The following COL23A1 variants were observed in gnomAD, a reference collection of about 807,000 sequenced individuals.
COL23A1 encodes the protein collagen alpha-1(XXIII) chain.
Under a neutral mutation model 99.3 loss-of-function variants are expected in COL23A1, and 97 were observed. That is an observed-to-expected ratio of 0.98 (90% CI 0.83 to 1.16). The LOEUF (loss-of-function observed/expected upper bound fraction) is 1.16, where lower values mean the gene tolerates loss of function less well. Ranked by LOEUF, COL23A1 falls within the 50% of genes most tolerant of loss-of-function variation. The pLI, the probability that COL23A1 is intolerant of heterozygous loss-of-function variation, is 0.00. For synonymous variants in COL23A1, 320 were observed against 308.2 expected, an observed-to-expected ratio of 1.04 and a Z score of -0.40; for missense variants, 762 against 757.4, an observed-to-expected ratio of 1.01 and a Z score of -0.07.
chr5:178,306,793 G>A lies in COL23A1; in HGVS notation c.406+82C>T. 9.3e-7 allele frequency: 1 copy of A among 1,075,740 alleles called. No homozygotes were observed. 66.6% of individuals were successfully genotyped at this position (1,075,740 alleles called of 1,614,324 possible). On this transcript the variant is annotated intron_variant, in intron 3 of 28. Coordinates refer to ENST00000390654, the MANE Select transcript of COL23A1 (RefSeq NM_173465.4). The surrounding 1 kb of genome is among the most constrained non-coding windows in gnomAD (Gnocchi z 4.1). Reference sequence around the variant, plus strand: ...AGGCATGACTCAGGGTGGGCAGCAGGTGGCCAGGCCCTGCAGTCAGAGCCT... The same window carrying A: ...AGGCATGACTCAGGGTGGGCAGCAGATGGCCAGGCCCTGCAGTCAGAGCCT...
chr5:178,522,105 AAAAG>A lies in COL23A1; in HGVS notation c.361+38573_361+38576del, dbSNP rs1254442184. 7.4e-4 allele frequency among the ~76,000 whole-genome samples: 113 copies of A among 152,308 alleles called. 1 individual carries two copies. The highest frequency in any genetic ancestry group is 2.5e-3 in the African/African-American group (105 of 41,540). ...GAAGGATTCTTCCAGTCTGTCTAAA[AAAAG>A]AAAGAACTTTGTGCCATATAAACAT... On this transcript the variant is annotated intron_variant, in intron 2 of 28. Coordinates refer to ENST00000390654, the MANE Select transcript of COL23A1 (RefSeq NM_173465.4).
At chr5:178,262,355 C>A in intron 9 of COL23A1, 103 bp from the exon 10 acceptor site, 2 of 1,098,922 alleles carry the variant, frequency 1.8e-6, no homozygotes, top group South Asian at 1.4e-5. Context: ...AGTACATTAT[C>A]TTATCTCATT....
chr5:178,409,018 A>ACACACACG (rs1554161440), intron 2 of COL23A1, among the ~76,000 whole-genome samples: 6 of 119,108 alleles, frequency 5.0e-5, no homozygotes, highest in African/African-American at 1.1e-4. Flanking sequence ...ACACACACAC[A>ACACACACG]CACATCATGT....
At position 178,534,987 on chromosome 5, in the gene COL23A1, T is replaced by C. The variant is rs1370828772; in HGVS notation, c.361+25695A>G. ...TTTCCTTTTTCTTTTTTTTTTTTTTTTGAGCAGAGTTTCACTTTTGTCGCC... is the reference window on the plus strand; with the variant it reads ...TTTCCTTTTTCTTTTTTTTTTTTTTCTGAGCAGAGTTTCACTTTTGTCGCC... On this transcript the variant is annotated intron_variant, in intron 2 of 28. Coordinates refer to ENST00000390654, the MANE Select transcript of COL23A1 (RefSeq NM_173465.4). 8.6e-5 allele frequency among the ~76,000 whole-genome samples: 13 copies of C among 151,034 alleles called. No individual in the cohort carries two copies. The East Asian group carries it at 2.5e-3, about 30-fold the overall frequency.
chr5:178,581,239 A>C (rs530853035), intron 1 of COL23A1, among the ~76,000 whole-genome samples: 3 of 152,332 alleles, frequency 2.0e-5, no homozygotes, highest in Non-Finnish European at 2.9e-5. Flanking sequence ...CCACAGGAGG[A>C]GAAACCTGTC....
intron 2 of COL23A1, among the ~76,000 whole-genome samples, chr5:178,333,499 C>A (rs1581170429): frequency 1.3e-5 from 2 of 152,194 alleles, no homozygotes; most frequent in Admixed American, 6.5e-5. Context: ...CCCAGCCACG[C>A]CCTTTCATGT....
intron 2 of COL23A1, among the ~76,000 whole-genome samples, chr5:178,465,701 G>A (rs2127915056): frequency 6.6e-6 from 1 of 152,352 alleles, no homozygotes; most frequent in Admixed American, 6.5e-5. Context: ...GAACAGAAGA[G>A]CAAAGTCCCC....
At chr5:178,435,225 C>G (rs1306438605) in intron 2 of COL23A1, among the ~76,000 whole-genome samples, 1 of 152,160 alleles carries the variant, frequency 6.6e-6, no homozygotes, top group African/African-American at 2.4e-5. Context: ...GTATTTTTTT[C>G]TCCTCTTTTA....
chr5:178,283,084 C>A (rs565463159), intron 5 of COL23A1, among the ~76,000 whole-genome samples: 1 of 152,180 alleles, frequency 6.6e-6, no homozygotes, highest in African/African-American at 2.4e-5. Flanking sequence ...CAGGGTTTCA[C>A]CGTATTGGCC....
At chr5:178,462,464 G>T (rs1756173660) in intron 2 of COL23A1, among the ~76,000 whole-genome samples, 1 of 152,174 alleles carries the variant, frequency 6.6e-6, no homozygotes, top group South Asian at 2.1e-4. Flanking sequence ...CAAAAGAGAA[G>T]AATCTGTATT....
At chr5:178,240,525 CA>C (rs1764338550) in intron 27 of COL23A1, among the ~76,000 whole-genome samples, 1 of 152,198 alleles carries the variant, frequency 6.6e-6, no homozygotes, top group Non-Finnish European at 1.5e-5. Flanking sequence ...CCGGCCTCCG[CA>C]CGTGGGATTC....
chr5:178,389,540 G>A (rs1037271349), intron 2 of COL23A1, among the ~76,000 whole-genome samples: 2 of 152,218 alleles, frequency 1.3e-5, no homozygotes, highest in African/African-American at 4.8e-5. Context: ...CCTCCTCACA[G>A]AGGGTGCCCA....
intron 2 of COL23A1, among the ~76,000 whole-genome samples, chr5:178,549,822 CA>C (rs1263853775): frequency 6.6e-6 from 1 of 150,530 alleles, no homozygotes; most frequent in East Asian, 1.9e-4. Context: ...TCTCAAAAAA[CA>C]AAACAAAAAC....
chr5:178,287,688 C>T (rs1189711554), intron 5 of COL23A1, among the ~76,000 whole-genome samples: 2 of 152,210 alleles, frequency 1.3e-5, no homozygotes, highest in Non-Finnish European at 1.5e-5. Flanking sequence ...GACGGCCCTG[C>T]CAATCTCTTC....
chr5:178,375,012 C>T (rs1762996055), intron 2 of COL23A1, among the ~76,000 whole-genome samples: 2 of 152,122 alleles, frequency 1.3e-5, no homozygotes, highest in African/African-American at 2.4e-5. Flanking sequence ...CAAAAGGTGG[C>T]GACAACCGAA....
intron 1 of COL23A1, among the ~76,000 whole-genome samples, chr5:178,573,598 TCATTCA>T (rs1419650504): frequency 1.3e-5 from 2 of 152,238 alleles, no homozygotes; most frequent in Non-Finnish European, 2.9e-5. Context: ...CAGTAATCCT[TCATTCA>T]CATTCACATT....
intron 2 of COL23A1, among the ~76,000 whole-genome samples, chr5:178,541,839 A>G (rs4976789): frequency 0.19 from 29,152 of 152,014 alleles, 3,694 homozygotes; most frequent in Middle Eastern, 0.35. Flanking sequence ...AAGAATCCAT[A>G]CCACGTGCTT....
rs1029482786 is a variant in COL23A1, at chr5:178,468,795, G to A, written c.361+91887C>T. The stretch of plus-strand genomic sequence containing the variant: ...AATTTCCCATCTTCACCATTTTTAC[G>A]GGTACAGCTCAGTGCATCAGGTGCA... On this transcript the variant is annotated intron_variant, in intron 2 of 28. Transcript: ENST00000390654. The surrounding 1 kb of genome is among the most constrained non-coding windows in gnomAD (Gnocchi z 4.2). Among the ~76,000 whole-genome samples the A allele has an allele frequency of 4.6e-5, 7 of 152,212 alleles. No homozygotes were observed. Among genetic ancestry groups the A allele is most frequent in the African/African-American group, 9.6e-5 (4 of 41,548 alleles).
chr5:178,398,355 G>A (rs572347506), intron 2 of COL23A1, among the ~76,000 whole-genome samples: 1 of 152,246 alleles, frequency 6.6e-6, no homozygotes, highest in Non-Finnish European at 1.5e-5. Flanking sequence ...AGCTGGGCAT[G>A]GTGGCTCACG....
Sources: allele counts gnomAD v4.1 joint callset (sites outside exome capture counted in the v4.1 genomes callset), GRCh38; gene constraint gnomAD v4.1.1; non-coding constraint Gnocchi (gnomAD v3.1); transcripts MANE v1.5; gene names NCBI Gene and HGNC (gene_info 2026-07-23, HGNC 2026-07-21).